The following MACROD2 variants were observed in gnomAD, a reference collection of about 807,000 sequenced individuals.
MACROD2 encodes mono-ADP ribosylhydrolase 2, also known as ADP-ribose glycohydrolase MACROD2.
In MACROD2, 36 loss-of-function variants were observed where a neutral mutation model predicts 70.4. The ratio of observed to expected loss-of-function variants is 0.51; its 90% CI spans 0.39 to 0.68. The LOEUF (loss-of-function observed/expected upper bound fraction) is 0.68. MACROD2 is among the 30% of genes least tolerant of loss of function. MACROD2 has a pLI of 0.00. For synonymous variants in MACROD2, 172 were observed against 178.8 expected (o/e 0.96, Z 0.30); for missense variants, 496 against 538.4 (o/e 0.92, Z 0.78).
At chr20:14,221,656 G>A (rs2122169004) in intron 3 of MACROD2, among the ~76,000 whole-genome samples, 1 of 152,198 alleles carries the variant, frequency 6.6e-6, no homozygotes, top group East Asian at 1.9e-4. Context: ...AACTAAAAAG[G>A]TTTTCCACAG....
intron 3 of MACROD2, among the ~76,000 whole-genome samples, chr20:14,154,704 G>A (rs1017432943): frequency 1.3e-5 from 2 of 151,694 alleles, no homozygotes; most frequent in South Asian, 2.1e-4. Flanking sequence ...GAGCCACCGC[G>A]CCCAGCCTAG....
At chr20:15,175,631 T>C (rs2076455248) in intron 5 of MACROD2, among the ~76,000 whole-genome samples, 1 of 152,210 alleles carries the variant, frequency 6.6e-6, no homozygotes, top group Non-Finnish European at 1.5e-5. Context: ...ACTTTGTGCC[T>C]GCCATTTGGG....
intron 10 of MACROD2, among the ~76,000 whole-genome samples, chr20:15,929,492 C>T (rs2065541635): frequency 6.6e-6 from 1 of 151,434 alleles, no homozygotes; most frequent in African/African-American, 2.4e-5. Flanking sequence ...GAATTAAGAC[C>T]AATAATCTAA....
At chr20:14,686,965 C>G (rs2071010106) in intron 5 of MACROD2, among the ~76,000 whole-genome samples, 1 of 152,122 alleles carries the variant, frequency 6.6e-6, no homozygotes, top group Admixed American at 6.5e-5. Flanking sequence ...GTGTTTAGAG[C>G]AGTTCTCTTT....
At position 15,565,041 on chromosome 20, in the gene MACROD2, C is replaced by G. The variant is rs115186793; in HGVS notation, c.645+65194C>G. Among the ~76,000 whole-genome samples the G allele has an allele frequency of 8.4e-3, 1,277 of 152,240 alleles. 15 individuals are homozygous for G. Among genetic ancestry groups the G allele is most frequent in the African/African-American group, 0.029 (1,202 of 41,518 alleles). On this transcript the variant is annotated intron_variant, in intron 8 of 17. Coordinates refer to ENST00000684519, the MANE Select transcript of MACROD2 (RefSeq NM_001351661.2). ...GCATTTAATTGCCATCTCCAGTTAG[C>G]TCTGGGATATCATGAAGCTGCTTTC...
intron 5 of MACROD2, among the ~76,000 whole-genome samples, chr20:15,091,695 CTTATG>C (rs1255966514): frequency 2.0e-5 from 3 of 151,908 alleles, no homozygotes; most frequent in Non-Finnish European, 1.5e-5. Flanking sequence ...TCAAAGAGCA[CTTATG>C]TTATGTGTTG....
At chr20:14,783,178 A>G (rs540415213) in intron 5 of MACROD2, among the ~76,000 whole-genome samples, 2 of 152,268 alleles carry the variant, frequency 1.3e-5, no homozygotes, top group South Asian at 4.1e-4. Context: ...TTATGCTGTA[A>G]TCTTTCTAAA....
intron 6 of MACROD2, among the ~76,000 whole-genome samples, chr20:15,324,006 T>C (rs2077900511): frequency 6.6e-6 from 1 of 152,150 alleles, no homozygotes; most frequent in South Asian, 2.1e-4. Flanking sequence ...TGCTCATGCT[T>C]GTGCTTCTTC....
At chr20:14,041,511 T>C (rs986016189) in intron 2 of MACROD2, among the ~76,000 whole-genome samples, 7 of 152,076 alleles carry the variant, frequency 4.6e-5, no homozygotes, top group African/African-American at 9.7e-5. Context: ...GGGAAAGAAA[T>C]ATAGGAATAA....
intron 5 of MACROD2, among the ~76,000 whole-genome samples, chr20:15,228,870 T>A (rs1038038110): frequency 2.0e-5 from 3 of 152,216 alleles, no homozygotes; most frequent in African/African-American, 7.2e-5. Flanking sequence ...TATTTTTGTA[T>A]ACTCTTATTC....
intron 3 of MACROD2, among the ~76,000 whole-genome samples, chr20:14,412,191 A>C (rs2083757160): frequency 6.6e-6 from 1 of 152,108 alleles, no homozygotes. Context: ...CTAGGCCTTA[A>C]TCAAACAAAT....
chr20:14,820,451 G>A (rs1238714857), intron 5 of MACROD2, among the ~76,000 whole-genome samples: 2 of 144,472 alleles, frequency 1.4e-5, no homozygotes, highest in African/African-American at 5.2e-5. Flanking sequence ...ATCTTCTGCT[G>A]AACATGTGGC....
At chr20:14,725,297 A>C (rs998343224) in intron 5 of MACROD2, among the ~76,000 whole-genome samples, 2 of 152,124 alleles carry the variant, frequency 1.3e-5, no homozygotes, top group African/African-American at 2.4e-5. Flanking sequence ...CAGGGATAAA[A>C]ATATAAATTT....
intron 15 of MACROD2, among the ~76,000 whole-genome samples, chr20:16,004,039 C>T (rs1009182018): frequency 6.6e-6 from 1 of 152,128 alleles, no homozygotes; most frequent in Non-Finnish European, 1.5e-5. Flanking sequence ...AGCTTGAGAA[C>T]CACTGGCAAA....
At chr20:14,815,223 A>G (rs899526731) in intron 5 of MACROD2, among the ~76,000 whole-genome samples, 1 of 152,042 alleles carries the variant, frequency 6.6e-6, no homozygotes, top group African/African-American at 2.4e-5. Flanking sequence ...TTTCCTGGAG[A>G]TAAGTTGTGT....
chr20:16,000,306 G>T (rs2066692749), intron 15 of MACROD2, among the ~76,000 whole-genome samples: 1 of 152,136 alleles, frequency 6.6e-6, no homozygotes, highest in Non-Finnish European at 1.5e-5. Context: ...ATGGAAACAT[G>T]GATTTATTCT....
intron 3 of MACROD2, among the ~76,000 whole-genome samples, chr20:14,237,693 T>TCCCCCCC (rs569732095): frequency 5.2e-5 from 3 of 57,160 alleles, no homozygotes; most frequent in South Asian, 7.2e-4. Context: ...CCCTCTCCCC[T>TCCCCCCC]CCCCCCCACC....
At chr20:14,773,497 C>T (rs1420089469) in intron 5 of MACROD2, among the ~76,000 whole-genome samples, 2 of 152,060 alleles carry the variant, frequency 1.3e-5, no homozygotes, top group Non-Finnish European at 2.9e-5. Flanking sequence ...ATTTCTTTCA[C>T]TTAGCATAAT....
At chr20:15,444,276 A>G (rs558973955) in intron 7 of MACROD2, among the ~76,000 whole-genome samples, 3 of 152,152 alleles carry the variant, frequency 2.0e-5, no homozygotes, top group East Asian at 1.9e-4. Context: ...CTTTGTATCA[A>G]TGTTCCACAT....
Sources: allele counts gnomAD v4.1 joint callset (sites outside exome capture counted in the v4.1 genomes callset), GRCh38; gene constraint gnomAD v4.1.1; transcripts MANE v1.5; gene names NCBI Gene and HGNC (gene_info 2026-07-23, HGNC 2026-07-21).